The following TRIM14 variants were observed in gnomAD, a reference collection of about 807,000 sequenced individuals.
The protein encoded by TRIM14 is tripartite motif-containing protein 14.
Under a neutral mutation model 44.5 loss-of-function variants are expected in TRIM14, and 28 were observed. The observed-to-expected ratio is 0.63, with a 90% CI of 0.47 to 0.86. The LOEUF (loss-of-function observed/expected upper bound fraction) is 0.86. Ranked by LOEUF, TRIM14 falls within the 40% of genes least tolerant of loss-of-function variation. TRIM14 has a pLI of 0.00. For synonymous variants in TRIM14, 299 were observed against 269.2 expected, an observed-to-expected ratio of 1.11 and a Z score of -1.08; for missense variants, 607 against 611.1, an observed-to-expected ratio of 0.99 and a Z score of 0.07.
the TRIM14 span, chr9:98,060,909 A>G: frequency 5.0e-6 from 8 of 1,614,172 alleles, no homozygotes; most frequent in South Asian, 8.8e-5. Flanking sequence ...CACAAACGAC[A>G]TCTGGAGTTC....
intron 3 of TRIM14, among the ~76,000 whole-genome samples, chr9:98,098,134 G>T (rs1057383843): frequency 6.6e-6 from 1 of 152,180 alleles, no homozygotes; most frequent in African/African-American, 2.4e-5. Context: ...ACTTTTAGTT[G>T]TACCCTGCCT....
At chr9:98,044,841 G>C in the TRIM14 span, among the ~76,000 whole-genome samples, 9 of 152,068 alleles carry the variant, frequency 5.9e-5, no homozygotes, top group African/African-American at 2.2e-4. Context: ...AGCTCAGTGT[G>C]GTGGCTCACA....
intron 6 of TRIM14, among the ~76,000 whole-genome samples, chr9:98,070,569 C>T (rs929372554): frequency 5.3e-5 from 8 of 151,722 alleles, no homozygotes; most frequent in Non-Finnish European, 1.0e-4. Context: ...TATAGGTACC[C>T]GCCACCACAC....
chr9:98,055,192 T>G, the TRIM14 span, among the ~76,000 whole-genome samples: 1 of 152,190 alleles, frequency 6.6e-6, no homozygotes, highest in Admixed American at 6.5e-5. Flanking sequence ...GCTCATTTTG[T>G]ATTTTTAGTA....
At chr9:98,051,160 A>T in the TRIM14 span, among the ~76,000 whole-genome samples, 6 of 152,182 alleles carry the variant, frequency 3.9e-5, no homozygotes, top group African/African-American at 1.4e-4. Context: ...AAACACTTAA[A>T]ACCTTTGAGA....
At chr9:98,093,984 T>C (rs1417367682) in intron 4 of TRIM14, among the ~76,000 whole-genome samples, 2 of 152,140 alleles carry the variant, frequency 1.3e-5, no homozygotes, top group African/African-American at 4.8e-5. Flanking sequence ...GACCTCATCA[T>C]CCACCCACCT....
downstream of TRIM14, chr9:98,081,385 A>G (rs1315025432): frequency 8.5e-6 from 3 of 353,770 alleles, no homozygotes; most frequent in African/African-American, 2.1e-5. Context: ...AGACTCCAGA[A>G]TATGTAACAG....
intron 2 of TRIM14, among the ~76,000 whole-genome samples, chr9:98,101,413 G>A (rs989770577): frequency 8.6e-5 from 13 of 151,740 alleles, no homozygotes; most frequent in Non-Finnish European, 1.8e-4. Context: ...AGGACAATAC[G>A]ACAATAGCTA....
intron 6 of TRIM14, chr9:98,069,749 G>T (rs1829256476): frequency 6.6e-6 from 1 of 152,280 alleles, no homozygotes; most frequent in South Asian, 2.1e-4. Flanking sequence ...GTTAGTAAGG[G>T]GAAGGGGATG....
In TRIM14 at chr9:98,077,046, G is replaced by T. The variant is rs371377734; in HGVS notation, c.*29-7359C>A. ...AGTGTCTAATTTTTGACTTAAAATCGAAGGGAGTCCAAACCTTCATATTTT... is the reference window on the plus strand; with the variant it reads ...AGTGTCTAATTTTTGACTTAAAATCTAAGGGAGTCCAAACCTTCATATTTT... On this transcript the variant is annotated intron_variant, in intron 6 of 6. Transcript: ENST00000375098. The T allele has an allele frequency of 5.2e-6, 8 of 1,536,228 alleles. No homozygotes were observed. The Admixed American group carries it at 5.3e-5, about 10-fold the overall frequency.
the TRIM14 span, among the ~76,000 whole-genome samples, chr9:98,043,280 C>T: frequency 4.5e-3 from 691 of 151,940 alleles, 4 homozygotes; most frequent in African/African-American, 0.016. Flanking sequence ...TGGGTTCAAG[C>T]GATTCTTCCG....
At chr9:98,100,823 A>G (rs984280342) in intron 2 of TRIM14, among the ~76,000 whole-genome samples, 1 of 152,130 alleles carries the variant, frequency 6.6e-6, no homozygotes, top group Admixed American at 6.5e-5. Context: ...CTAAAAATAT[A>G]AAAGTAAAAA....
intron 2 of TRIM14, among the ~76,000 whole-genome samples, chr9:98,104,969 A>G (rs1379332805): frequency 2.0e-5 from 3 of 152,030 alleles, no homozygotes; most frequent in African/African-American, 7.3e-5. Flanking sequence ...AGACCACGTT[A>G]GCATGGGGAC....
At chr9:98,049,553 A>G in the TRIM14 span, among the ~76,000 whole-genome samples, 1 of 152,176 alleles carries the variant, frequency 6.6e-6, no homozygotes, top group Admixed American at 6.5e-5. Flanking sequence ...CTATGTTGCT[A>G]TGACATTTAT....
At chr9:98,048,347 C>G in the TRIM14 span, among the ~76,000 whole-genome samples, 2 of 152,140 alleles carry the variant, frequency 1.3e-5, no homozygotes, top group African/African-American at 4.8e-5. Flanking sequence ...TCACCCTGTT[C>G]TACAAAGGGC....
chr9:98,045,370 G>A, the TRIM14 span, among the ~76,000 whole-genome samples: 1 of 152,174 alleles, frequency 6.6e-6, no homozygotes, highest in African/African-American at 2.4e-5. Flanking sequence ...TCAGCCTAAA[G>A]GTTTCTCTGT....
At chr9:98,070,702 G>A (rs756853451) in intron 6 of TRIM14, among the ~76,000 whole-genome samples, 1 of 152,004 alleles carries the variant, frequency 6.6e-6, no homozygotes, top group African/African-American at 2.4e-5. Context: ...TTACAGGCAT[G>A]AGCCATCGCG....
chr9:98,046,924 C>A, the TRIM14 span, among the ~76,000 whole-genome samples: 1 of 152,080 alleles, frequency 6.6e-6, no homozygotes, highest in Non-Finnish European at 1.5e-5. Flanking sequence ...CTTTTCCCCC[C>A]AAAGGTGAAA....
rs1826167921 is a variant in TRIM14 at position 98,095,832 on chromosome 9, G to A, written c.538-803C>T. 6.6e-6 allele frequency among the ~76,000 whole-genome samples: 1 copy of A among 152,172 alleles called. No homozygotes were observed. Among genetic ancestry groups the A allele is most frequent in the East Asian group, 1.9e-4 (1 of 5,192 alleles). ...AGTGGTGATGTCTTGCCCAGCAGGG[G>A]TGCCGTGGGGCCTATACTGGCACCA... On this transcript the variant is annotated intron_variant, in intron 3 of 5. Transcript: ENST00000341469. This position sits in a 1 kb window ranked among gnomAD's most constrained non-coding sequence, Gnocchi z 4.1.
Sources: gnomAD v4.1 joint callset for allele counts (sites outside exome capture counted in the v4.1 genomes callset) on GRCh38, gnomAD v4.1.1 for gene constraint, Gnocchi (gnomAD v3.1) non-coding constraint, MANE v1.5 for transcripts, NCBI Gene and HGNC (gene_info 2026-07-23, HGNC 2026-07-21) for gene names.